Variants in SSBP3 observed in about 807,000 individuals in gnomAD.
SSBP3 encodes the protein single stranded DNA binding protein 3.
A neutral mutation model predicts 69.6 loss-of-function variants in SSBP3; 5 were observed. That is an observed-to-expected ratio of 0.07 (90% CI 0.04 to 0.15). The LOEUF is 0.15. Ranked by LOEUF, SSBP3 falls within the 10% of genes least tolerant of loss-of-function variation. SSBP3 has a pLI of 1.00. For synonymous variants in SSBP3, 196 were observed against 193.4 expected, an observed-to-expected ratio of 1.01 and a Z score of -0.11; for missense variants, 312 against 534.0, an observed-to-expected ratio of 0.58 and a Z score of 4.10.
chr1:54,227,191 G>GGGA (rs3058961), intron 17 of SSBP3, 31 bp from the exon 18 acceptor site: 1 of 1,084,004 alleles, frequency 9.2e-7, no homozygotes, highest in African/African-American at 1.7e-5. Flanking sequence ...AGGGGGGGGG[G>GGGA]TGAGGATTGT....
chr1:54,228,936 T>A (rs1016874789), intron 14 of SSBP3, 110 bp from the exon 15 acceptor site: 3 of 1,128,398 alleles, frequency 2.7e-6, no homozygotes, highest in Non-Finnish European at 3.9e-6. Context: ...GAACCCCTGC[T>A]CCGGCAGGCT....
chr1:54,374,493 A>C (rs1221184636), intron 4 of SSBP3, among the ~76,000 whole-genome samples: 1 of 152,174 alleles, frequency 6.6e-6, no homozygotes, highest in Non-Finnish European at 1.5e-5. Flanking sequence ...TTTCCAGGAG[A>C]ACTGACACCA....
intron 4 of SSBP3, among the ~76,000 whole-genome samples, chr1:54,338,718 G>A (rs1289186597): frequency 2.6e-5 from 4 of 152,146 alleles, no homozygotes; most frequent in African/African-American, 4.8e-5. Context: ...TGAATATGAC[G>A]TGAACAACGT....
chr1:54,326,545 G>C (rs896993350), intron 4 of SSBP3: 1 of 152,176 alleles, frequency 6.6e-6, no homozygotes, highest in African/African-American at 2.4e-5. Flanking sequence ...AGGACTCAAA[G>C]CTCTTCCTTG....
At chr1:54,345,910 C>T (rs913833471) in intron 4 of SSBP3, among the ~76,000 whole-genome samples, 4 of 150,176 alleles carry the variant, frequency 2.7e-5, no homozygotes, top group Non-Finnish European at 3.0e-5. Flanking sequence ...GGGAGGCCGA[C>T]GCGGGTGGAT....
At chr1:54,405,150 G>A (rs1649628115) in intron 1 of SSBP3, among the ~76,000 whole-genome samples, 1 of 152,184 alleles carries the variant, frequency 6.6e-6, no homozygotes, top group Non-Finnish European at 1.5e-5. Flanking sequence ...GAGGGATGGA[G>A]AGCAGCCCCC....
At chr1:54,250,672 G>A (rs1301453057) in intron 9 of SSBP3, among the ~76,000 whole-genome samples, 1 of 152,202 alleles carries the variant, frequency 6.6e-6, no homozygotes. Flanking sequence ...AGAAGGGAAA[G>A]AACACCTGAG....
chr1:54,407,563 C>T (rs917983034), upstream of SSBP3, among the ~76,000 whole-genome samples: 3 of 151,944 alleles, frequency 2.0e-5, no homozygotes, highest in South Asian at 4.2e-4. Flanking sequence ...GACCAGATAC[C>T]GGCGAAATAG....
At chr1:54,375,706 T>TAGAAGCCATCTATGTAA (rs1553147561) in intron 4 of SSBP3, among the ~76,000 whole-genome samples, 2 of 152,200 alleles carry the variant, frequency 1.3e-5, no homozygotes, top group African/African-American at 2.4e-5. Flanking sequence ...AGAGTTCACA[T>TAGAAGCCATCTATGTAA]AGAAGCCATC....
At chr1:54,319,262 G>A (rs912654793) in intron 4 of SSBP3, among the ~76,000 whole-genome samples, 1 of 152,148 alleles carries the variant, frequency 6.6e-6, no homozygotes, top group Non-Finnish European at 1.5e-5. Flanking sequence ...TAAATGATGA[G>A]CCAGATAGAC....
At chr1:54,372,277 C>A (rs1034313991) in intron 4 of SSBP3, among the ~76,000 whole-genome samples, 1 of 152,226 alleles carries the variant, frequency 6.6e-6, no homozygotes. Flanking sequence ...GCACTGAGAA[C>A]AGGGGCTGGC....
At chr1:54,327,487 C>T (rs1646331216) in intron 4 of SSBP3, among the ~76,000 whole-genome samples, 1 of 152,114 alleles carries the variant, frequency 6.6e-6, no homozygotes, top group African/African-American at 2.4e-5. Context: ...AATGTGCTGA[C>T]CTCAAGGCTC....
At chr1:54,384,360 T>A (rs1647918647) in intron 4 of SSBP3, among the ~76,000 whole-genome samples, 1 of 152,138 alleles carries the variant, frequency 6.6e-6, no homozygotes, top group Non-Finnish European at 1.5e-5. Context: ...CGTTAAGACT[T>A]CAGGGAACCA....
At chr1:54,383,664 C>A (rs1647854560) in intron 4 of SSBP3, among the ~76,000 whole-genome samples, 1 of 152,154 alleles carries the variant, frequency 6.6e-6, no homozygotes, top group South Asian at 2.1e-4. Flanking sequence ...TAAAATATTT[C>A]TACAGAGCTA....
At chr1:54,327,760 C>T (rs1355885334) in intron 4 of SSBP3, among the ~76,000 whole-genome samples, 1 of 151,964 alleles carries the variant, frequency 6.6e-6, no homozygotes, top group African/African-American at 2.4e-5. Context: ...TGCAACTGTC[C>T]CCAGGGAAAA....
Position 54,281,710 on chromosome 1 carries a change from C to CA in SSBP3, c.277-184dup, listed in dbSNP as rs532532535. Among the ~76,000 whole-genome samples, 12 of 152,302 alleles carry CA rather than the reference C, an allele frequency of 7.9e-5. No individual in the cohort carries two copies. The South Asian group carries it at 2.5e-3, about 32-fold the overall frequency. On this transcript the variant is annotated intron_variant, in intron 4 of 17. Coordinates refer to ENST00000610401, the Ensembl canonical transcript of SSBP3. ...GTGTCATGTTCCCACTGACAGGACA[C>CA]AAGTAGGGCTTATACACTCAGACCT...
intron 4 of SSBP3, among the ~76,000 whole-genome samples, chr1:54,394,999 G>T (rs941828691): frequency 6.6e-6 from 1 of 150,968 alleles, no homozygotes; most frequent in Non-Finnish European, 1.5e-5. Context: ...CACCGCGCCC[G>T]GCTAAGACTC....
At chr1:54,390,916 C>A (rs189998592) in intron 4 of SSBP3, among the ~76,000 whole-genome samples, 1 of 152,226 alleles carries the variant, frequency 6.6e-6, no homozygotes, top group Non-Finnish European at 1.5e-5. Context: ...GAGCAGAGAC[C>A]GGCAGTGCGC....
chr1:54,337,424 C>T (rs1013811987), intron 4 of SSBP3, among the ~76,000 whole-genome samples: 17 of 150,376 alleles, frequency 1.1e-4, no homozygotes, highest in African/African-American at 3.0e-4. Context: ...TGTTCTCGCT[C>T]CAGTCTCTGA....
Sources: allele counts gnomAD v4.1 joint callset (sites outside exome capture counted in the v4.1 genomes callset), GRCh38; gene constraint gnomAD v4.1.1; transcripts MANE v1.5; gene names NCBI Gene and HGNC (gene_info 2026-07-23, HGNC 2026-07-21).